The following LTBP1 variants were observed in gnomAD, a reference collection of about 807,000 sequenced individuals.
The protein encoded by LTBP1 is latent-transforming growth factor beta-binding protein 1.
A neutral mutation model predicts 207.6 loss-of-function variants in LTBP1; 129 were observed. The ratio of observed to expected loss-of-function variants is 0.62; its 90% CI spans 0.54 to 0.72. The LOEUF (loss-of-function observed/expected upper bound fraction) is 0.72. Among genes scored for constraint, LTBP1 ranks in the 30% least tolerant of loss-of-function variants. LTBP1 has a pLI of 0.00. For synonymous variants in LTBP1, 963 were observed against 833.7 expected (o/e 1.16, Z -2.67); for missense variants, 2,281 against 2,217.2 (o/e 1.03, Z -0.58).
intron 8 of LTBP1, among the ~76,000 whole-genome samples, chr2:33,217,907 G>A (rs1241012021): frequency 6.6e-6 from 1 of 152,112 alleles, no homozygotes; most frequent in Non-Finnish European, 1.5e-5. Flanking sequence ...AGTCTTAAGT[G>A]GTAATGAGTT....
chr2:33,154,154 C>G (rs951897987), intron 5 of LTBP1, among the ~76,000 whole-genome samples: 5 of 152,138 alleles, frequency 3.3e-5, no homozygotes, highest in Admixed American at 6.5e-5. Context: ...GCCTTTCTTT[C>G]CTGACTGGCC....
At chr2:32,999,396 G>GAAGT (rs1290241658) in intron 2 of LTBP1, among the ~76,000 whole-genome samples, 43 of 80,828 alleles carry the variant, frequency 5.3e-4, no homozygotes, top group South Asian at 1.9e-3. Context: ...GCGAGGCCTA[G>GAAGT]ACATGGTGTG....
At position 32,947,238 on chromosome 2, in the gene LTBP1, A is replaced by C; in HGVS notation, c.-87A>C. 9.8e-7 allele frequency: 1 copy of C among 1,019,770 alleles called. No homozygotes were observed. The highest frequency in any genetic ancestry group is 1.2e-6 in the Non-Finnish European group (1 of 803,360). 63.2% of individuals were successfully genotyped at this position (1,019,770 alleles called of 1,614,324 possible). ...CCGGGCTCTCGGCAGCTCTCGGGGGAGCCCGAACGCGCGGGGAAAGGCGAG... is the reference window on the plus strand; with the variant it reads ...CCGGGCTCTCGGCAGCTCTCGGGGGCGCCCGAACGCGCGGGGAAAGGCGAG... On this transcript the variant is annotated 5_prime_UTR_variant, in exon 1 of 34. Coordinates refer to ENST00000404816, the MANE Select transcript of LTBP1 (RefSeq NM_206943.4).
At chr2:33,205,152 C>G (rs1289872806) in intron 7 of LTBP1, among the ~76,000 whole-genome samples, 3 of 152,240 alleles carry the variant, frequency 2.0e-5, no homozygotes, top group South Asian at 2.1e-4. Context: ...CTATACTTGT[C>G]TCTCAAATGC....
intron 18 of LTBP1, among the ~76,000 whole-genome samples, chr2:33,278,896 G>A (rs1353261938): frequency 6.6e-6 from 1 of 152,114 alleles, no homozygotes; most frequent in South Asian, 2.1e-4. Flanking sequence ...CACTGACCTG[G>A]TGCTTATTTT....
intron 7 of LTBP1, among the ~76,000 whole-genome samples, chr2:33,210,603 T>G (rs949769614): frequency 6.6e-6 from 1 of 152,236 alleles, no homozygotes; most frequent in Non-Finnish European, 1.5e-5. Context: ...TTCCCCTGTT[T>G]CCTGGTTGAT....
chr2:33,378,671 G>A (rs2095174773), intron 31 of LTBP1, among the ~76,000 whole-genome samples: 1 of 152,152 alleles, frequency 6.6e-6, no homozygotes, highest in African/African-American at 2.4e-5. Context: ...CTTAAGCACT[G>A]TTCTAAGTTT....
chr2:33,207,908 A>G (rs2090002485), intron 7 of LTBP1, among the ~76,000 whole-genome samples: 1 of 152,212 alleles, frequency 6.6e-6, no homozygotes, highest in Non-Finnish European at 1.5e-5. Context: ...TCACTTTTCC[A>G]GAGTGGAGAT....
intron 4 of LTBP1, among the ~76,000 whole-genome samples, chr2:33,121,366 A>C (rs1225157612): frequency 6.6e-6 from 1 of 152,098 alleles, no homozygotes; most frequent in African/African-American, 2.4e-5. Flanking sequence ...TCCTATAAAC[A>C]GATTTAGAAA....
At chr2:33,027,959 T>C (rs2075507712) in intron 3 of LTBP1, among the ~76,000 whole-genome samples, 1 of 152,252 alleles carries the variant, frequency 6.6e-6, no homozygotes, top group South Asian at 2.1e-4. Flanking sequence ...TAAAGTTTGA[T>C]CATATCATTA....
At position 33,326,282 on chromosome 2, in the gene LTBP1, A is replaced by G. The variant is rs143592579; in HGVS notation, c.3730+11013A>G. Among the ~76,000 whole-genome samples, 6 of 152,262 alleles carry G rather than the reference A, an allele frequency of 3.9e-5. No individual in the cohort carries two copies. The South Asian group carries it at 1.0e-3, about 26-fold the overall frequency. Reference sequence around the variant, plus strand: ...TCAACTCCACCCCGTTTCTCCATTCATGGAGTGGGGAAGATACATGCCCAG... The same window carrying G: ...TCAACTCCACCCCGTTTCTCCATTCGTGGAGTGGGGAAGATACATGCCCAG... On this transcript the variant is annotated intron_variant, in intron 24 of 33. Transcript: ENST00000404816.
chr2:33,353,098 C>T (rs150115983), intron 26 of LTBP1, among the ~76,000 whole-genome samples: 230 of 151,162 alleles, frequency 1.5e-3, no homozygotes, highest in South Asian at 7.7e-3. Context: ...TGTGCCTCTG[C>T]CTCCCTAGTA....
chr2:33,072,988 G>A (rs553512179), intron 3 of LTBP1, among the ~76,000 whole-genome samples: 1 of 152,198 alleles, frequency 6.6e-6, no homozygotes, highest in Admixed American at 6.5e-5. Flanking sequence ...TGACACCCCT[G>A]GGGGGAGTAG....
Position 33,072,586 on chromosome 2 carries a change from C to CTTT in LTBP1, c.864-37994_864-37993insTTT, listed in dbSNP as rs1432660763. Among the ~76,000 whole-genome samples, 3 of 152,254 alleles carry CTTT rather than the reference C, an allele frequency of 2.0e-5. No individual in the cohort carries two copies. The East Asian group carries it at 5.8e-4, about 29-fold the overall frequency. ...TGAGTATGTTTTTAGTTTCTAAGGC[C>CTTT]TTCCTTGGGGAGAAAAAAGTGCAGG... On this transcript the variant is annotated intron_variant, in intron 3 of 33. Transcript: ENST00000404816.
At chr2:33,108,164 G>A (rs1055695326) in intron 3 of LTBP1, among the ~76,000 whole-genome samples, 3 of 151,994 alleles carry the variant, frequency 2.0e-5, no homozygotes, top group Admixed American at 6.6e-5. Context: ...ATGAGTAATG[G>A]GACAGTTTCC....
At chr2:32,996,325 C>CT (rs891501173) in intron 2 of LTBP1, among the ~76,000 whole-genome samples, 2 of 152,042 alleles carry the variant, frequency 1.3e-5, no homozygotes, top group Non-Finnish European at 2.9e-5. Flanking sequence ...TCTAGGACCT[C>CT]TTTTATGAGG....
At chr2:33,364,137 C>G in intron 29 of LTBP1, 79 bp from the exon 30 acceptor site, 1 of 1,382,104 alleles carries the variant, frequency 7.2e-7, no homozygotes, top group Non-Finnish European at 1.0e-6. Context: ...CTAAATATAG[C>G]AATGTGTAAA....
chr2:33,003,189 T>C (rs1686298150), intron 2 of LTBP1, among the ~76,000 whole-genome samples: 1 of 152,210 alleles, frequency 6.6e-6, no homozygotes, highest in African/African-American at 2.4e-5. Flanking sequence ...GGCAAAGAGA[T>C]TGTGTTTAAA....
At chr2:33,113,347 C>T (rs1442391952) in intron 4 of LTBP1, among the ~76,000 whole-genome samples, 7 of 152,016 alleles carry the variant, frequency 4.6e-5, no homozygotes, top group East Asian at 1.9e-4. Flanking sequence ...GATTTGCTCT[C>T]GACACTTGGT....
Sources: allele counts gnomAD v4.1 joint callset (sites outside exome capture counted in the v4.1 genomes callset), GRCh38; gene constraint gnomAD v4.1.1; transcripts MANE v1.5; gene names NCBI Gene and HGNC (gene_info 2026-07-23, HGNC 2026-07-21).